NARS2: variants seen among roughly 807,000 people sequenced by gnomAD.
NARS2 encodes asparaginyl-tRNA synthetase 2, mitochondrial.
NARS2 carries 60 observed loss-of-function variants against 62.9 expected under a neutral mutation model. The observed-to-expected ratio is 0.95, with a 90% CI of 0.77 to 1.18. The LOEUF is 1.18. Among genes scored for constraint, NARS2 ranks in the 50% most tolerant of loss-of-function variants. The pLI is 0.00. For missense variants in NARS2, 619 were observed against 576.4 expected, an observed-to-expected ratio of 1.07 and a Z score of -0.76; for synonymous variants, 196 against 200.0, an observed-to-expected ratio of 0.98 and a Z score of 0.17.
chr11:78,535,512 A>AT (rs1444852996), intron 5 of NARS2, among the ~76,000 whole-genome samples: 2 of 151,996 alleles, frequency 1.3e-5, no homozygotes, highest in Admixed American at 1.3e-4. Flanking sequence ...CTTCTTATTT[A>AT]TTTTTGTCAT....
chr11:78,466,137 A>G, intron 10 of NARS2, 124 bp from the exon 11 acceptor site: 4 of 960,716 alleles, frequency 4.2e-6, no homozygotes, highest in Non-Finnish European at 6.1e-6. Context: ...GTGTGGAGCT[A>G]GCTGCTAAGG....
intron 5 of NARS2, among the ~76,000 whole-genome samples, chr11:78,537,289 C>G (rs1411437915): frequency 2.6e-5 from 4 of 152,130 alleles, no homozygotes; most frequent in South Asian, 2.1e-4. Flanking sequence ...TGCCTGGATT[C>G]ATTTCTATCA....
chr11:78,507,278 T>C (rs1432976199), intron 6 of NARS2, among the ~76,000 whole-genome samples: 2 of 150,766 alleles, frequency 1.3e-5, no homozygotes, highest in African/African-American at 4.9e-5. Context: ...CAACTGCATA[T>C]ATGGGGAAAA....
At chr11:78,516,627 T>C (rs1860921761) in intron 6 of NARS2, among the ~76,000 whole-genome samples, 1 of 152,200 alleles carries the variant, frequency 6.6e-6, no homozygotes, top group South Asian at 2.1e-4. Context: ...CTCAATAAAT[T>C]GAACTGAGAC....
intron 1 of NARS2, chr11:78,573,216 C>T (rs1274898203): frequency 6.6e-6 from 1 of 152,120 alleles, no homozygotes; most frequent in Non-Finnish European, 1.5e-5. Flanking sequence ...TCATGGGTGA[C>T]AAAGCAAGAA....
At chr11:78,443,130 C>A (rs1159015712) in intron 12 of NARS2, among the ~76,000 whole-genome samples, 2 of 151,986 alleles carry the variant, frequency 1.3e-5, no homozygotes, top group African/African-American at 4.8e-5. Context: ...TCAAGACCAT[C>A]CCGGCTAACA....
chr11:78,560,632 G>A (rs992118535), intron 4 of NARS2, among the ~76,000 whole-genome samples: 4 of 152,196 alleles, frequency 2.6e-5, no homozygotes, highest in Admixed American at 2.0e-4. Flanking sequence ...GGGACCTCCC[G>A]AATATGATCC....
At chr11:78,549,126 T>A (rs993957045) in intron 5 of NARS2, among the ~76,000 whole-genome samples, 1 of 152,204 alleles carries the variant, frequency 6.6e-6, no homozygotes, top group Non-Finnish European at 1.5e-5. Flanking sequence ...TCAGCCCCAG[T>A]CCCACTTGGG....
rs565697276 is a variant in NARS2 at position 78,504,854 on chromosome 11, C to T, written c.690-11659G>A. On this transcript the variant is annotated intron_variant, in intron 6 of 13. Coordinates refer to ENST00000281038, the MANE Select transcript of NARS2 (RefSeq NM_024678.6). Reference sequence around the variant, plus strand: ...GGTCTTGGTTTGCCCAGGAAAAAACCATTTTATGCTGACTGCTCCAGAATA... The same window carrying T: ...GGTCTTGGTTTGCCCAGGAAAAAACTATTTTATGCTGACTGCTCCAGAATA... Among the ~76,000 whole-genome samples, 13 of 152,142 alleles carry T rather than the reference C, an allele frequency of 8.5e-5. No individual in the cohort carries two copies. In the East Asian group the frequency reaches 2.1e-3, roughly 25 times the overall value.
chr11:78,469,281 T>C lies in NARS2; in HGVS notation c.992A>G (p.Lys331Arg). Residue 331 changes from lysine (K) to arginine (R), a missense_variant, in exon 10 of 14, where the codon AAG becomes AGG. Physicochemically the swap from Lys to Arg is conservative, Grantham distance 26. Coordinates refer to ENST00000281038, the MANE Select transcript of NARS2 (RefSeq NM_024678.6). ...AAAGGTGAAGTTCTGGGATGCTTGC[T>C]TTAAGATCTCCACTGCTTCAGTATA... ...ISYTEAVEIL[K>R]QASQNFTFTP... 1 of 1,613,342 alleles carries C rather than the reference T, an allele frequency of 6.2e-7. No individual in the cohort carries two copies. The highest frequency in any genetic ancestry group is 8.5e-7 in the Non-Finnish European group (1 of 1,179,488).
At chr11:78,458,959 C>A (rs904611099) in intron 11 of NARS2, among the ~76,000 whole-genome samples, 6 of 151,070 alleles carry the variant, frequency 4.0e-5, no homozygotes, top group African/African-American at 1.5e-4. Flanking sequence ...CGCTCTGTTG[C>A]CCCGGCTGGA....
chr11:78,523,441 A>G (rs1465966741), intron 6 of NARS2, among the ~76,000 whole-genome samples: 1 of 152,254 alleles, frequency 6.6e-6, no homozygotes, highest in African/African-American at 2.4e-5. Flanking sequence ...TAGTTACTGC[A>G]TGACCCATTA....
intron 12 of NARS2, among the ~76,000 whole-genome samples, chr11:78,442,006 C>G (rs1310518849): frequency 6.6e-6 from 1 of 152,092 alleles, no homozygotes; most frequent in Non-Finnish European, 1.5e-5. Flanking sequence ...TACAAAAATA[C>G]AGAAAACATG....
rs1209362076 is a variant in NARS2 at position 78,562,404 on chromosome 11, C to T, written c.514-2785G>A. Among the ~76,000 whole-genome samples, 5 of 152,036 alleles carry T rather than the reference C, an allele frequency of 3.3e-5. No individual in the cohort carries two copies. In the East Asian group the frequency reaches 5.8e-4, roughly 18 times the overall value. The stretch of plus-strand genomic sequence containing the variant: ...ATGACTGCACCACTGCACTCCAGCC[C>T]GGACAACAGTATGAGACTTCATCTC... On this transcript the variant is annotated intron_variant, in intron 4 of 13. Coordinates refer to ENST00000281038, the MANE Select transcript of NARS2 (RefSeq NM_024678.6).
chr11:78,490,028 G>A (rs1174858691), intron 7 of NARS2, among the ~76,000 whole-genome samples: 1 of 152,098 alleles, frequency 6.6e-6, no homozygotes, highest in Non-Finnish European at 1.5e-5. Context: ...GACAGAGTGA[G>A]ACCCTGCCTC....
intron 10 of NARS2, among the ~76,000 whole-genome samples, chr11:78,468,739 GA>G (rs1858739831): frequency 6.6e-6 from 1 of 150,834 alleles, no homozygotes; most frequent in Non-Finnish European, 1.5e-5. Flanking sequence ...ATATATTTTG[GA>G]AAACACAGAA....
At chr11:78,498,558 A>C (rs975569471) in intron 6 of NARS2, among the ~76,000 whole-genome samples, 6 of 151,968 alleles carry the variant, frequency 3.9e-5, no homozygotes, top group African/African-American at 1.4e-4. Flanking sequence ...GTATATATCC[A>C]TCTGCTTATT....
chr11:78,488,670 T>A lies in NARS2; in HGVS notation c.822+4393A>T, dbSNP rs1033448455. ...TAATACATAGAACTTGTAATGCATA[T>A]GGCAACTATAAGATAAAGGGGTGAA... On this transcript the variant is annotated intron_variant, in intron 7 of 13. Transcript: ENST00000281038. 2.6e-5 allele frequency among the ~76,000 whole-genome samples: 4 copies of A among 152,192 alleles called. No individual in the cohort carries two copies. The East Asian group carries it at 5.8e-4, about 22-fold the overall frequency.
Position 78,529,675 on chromosome 11 carries a change from T to C in NARS2, c.595-739A>G, listed in dbSNP as rs73506943. 5.4e-3 allele frequency among the ~76,000 whole-genome samples: 825 copies of C among 152,314 alleles called. 6 individuals are homozygous for C. Among genetic ancestry groups the C allele is most frequent in the African/African-American group, 0.019 (793 of 41,570 alleles). ...AAGTTATGAGTATCATATCCTTTTC[T>C]GGGGAAGAAAGTTACACTTGTTTTT... On this transcript the variant is annotated intron_variant, in intron 5 of 13. Transcript: ENST00000281038.
Sources: allele counts gnomAD v4.1 joint callset (sites outside exome capture counted in the v4.1 genomes callset), GRCh38; gene constraint gnomAD v4.1.1; transcripts MANE v1.5; gene names NCBI Gene and HGNC (gene_info 2026-07-23, HGNC 2026-07-21).